RBFOX1: variants seen among roughly 807,000 people sequenced by gnomAD.
RBFOX1 encodes RNA binding fox-1 homolog 1.
In RBFOX1, 8 loss-of-function variants were observed where a neutral mutation model predicts 57.7. The observed-to-expected ratio is 0.14, with a 90% confidence interval of 0.08 to 0.25. RBFOX1 has a LOEUF of 0.25. RBFOX1 is among the 10% of genes least tolerant of loss of function. The pLI is 1.00. For synonymous variants in RBFOX1, 326 were observed against 222.4 expected (o/e 1.47, Z -4.15); for missense variants, 611 against 548.5 (o/e 1.11, Z -1.14).
At chr16:7,519,790 G>A (rs956901620) in intron 5 of RBFOX1, 2 of 868,588 alleles carry the variant, frequency 2.3e-6, no homozygotes, top group Admixed American at 6.2e-5. Flanking sequence ...TGGCTTTGAA[G>A]CATGATACAT....
At chr16:6,049,755 C>T (rs1209452934) in intron 1 of RBFOX1, among the ~76,000 whole-genome samples, 1 of 152,074 alleles carries the variant, frequency 6.6e-6, no homozygotes, top group African/African-American at 2.4e-5. Context: ...GAGCAGAAGG[C>T]ACTGAGAATT....
intron 5 of RBFOX1, among the ~76,000 whole-genome samples, chr16:7,544,531 G>A (rs896503820): frequency 2.0e-5 from 3 of 152,090 alleles, no homozygotes; most frequent in African/African-American, 7.2e-5. Flanking sequence ...GAAGTCCAAG[G>A]GGCATCAAAG....
chr16:5,860,072 G>C (rs1218896782), intron 3 of RBFOX1, among the ~76,000 whole-genome samples: 1 of 152,124 alleles, frequency 6.6e-6, no homozygotes, highest in African/African-American at 2.4e-5. Flanking sequence ...GTAGACAGTA[G>C]TGGACACTGT....
At chr16:7,397,295 G>T (rs2098157235) in intron 4 of RBFOX1, among the ~76,000 whole-genome samples, 2 of 152,122 alleles carry the variant, frequency 1.3e-5, no homozygotes, top group Admixed American at 1.3e-4. Context: ...AAATGTAATT[G>T]AAATCACAAG....
At chr16:6,846,743 C>A (rs964857495) in intron 3 of RBFOX1, among the ~76,000 whole-genome samples, 1 of 152,124 alleles carries the variant, frequency 6.6e-6, no homozygotes, top group African/African-American at 2.4e-5. Flanking sequence ...GATCTGCTAA[C>A]AAAATTAGGT....
chr16:6,916,868 A>C (rs1197928645), intron 3 of RBFOX1, among the ~76,000 whole-genome samples: 1 of 151,990 alleles, frequency 6.6e-6, no homozygotes, highest in Non-Finnish European at 1.5e-5. Flanking sequence ...TTGTGTGTAT[A>C]AGATGGAGTC....
chr16:6,759,210 G>C (rs1181539462), intron 3 of RBFOX1, among the ~76,000 whole-genome samples: 1 of 151,440 alleles, frequency 6.6e-6, no homozygotes, highest in African/African-American at 2.4e-5. Flanking sequence ...GAGTGCAGTG[G>C]CATAACCTTA....
At chr16:5,510,960 C>G (rs1034092783) in intron 2 of RBFOX1, among the ~76,000 whole-genome samples, 1 of 152,156 alleles carries the variant, frequency 6.6e-6, no homozygotes, top group Admixed American at 6.5e-5. Context: ...TCACCTGTGC[C>G]TTGTATAATC....
intron 1 of RBFOX1, among the ~76,000 whole-genome samples, chr16:5,429,687 C>CT (rs2067671061): frequency 6.6e-6 from 1 of 152,196 alleles, no homozygotes; most frequent in African/African-American, 2.4e-5. Flanking sequence ...CTCTGAGGGG[C>CT]CATTATCCCT....
intron 2 of RBFOX1, among the ~76,000 whole-genome samples, chr16:6,653,514 A>G (rs963170616): frequency 6.6e-6 from 1 of 152,180 alleles, no homozygotes; most frequent in African/African-American, 2.4e-5. Context: ...CCCTGAGGGT[A>G]GGAATTATGT....
chr16:6,048,527 A>G (rs2095518473), intron 1 of RBFOX1, among the ~76,000 whole-genome samples: 1 of 152,180 alleles, frequency 6.6e-6, no homozygotes, highest in African/African-American at 2.4e-5. Context: ...TGCATCGTGG[A>G]AAGGTTATTA....
intron 3 of RBFOX1, among the ~76,000 whole-genome samples, chr16:7,003,836 A>G (rs2093054306): frequency 6.6e-6 from 1 of 152,200 alleles, no homozygotes; most frequent in Non-Finnish European, 1.5e-5. Flanking sequence ...CTACTTATAA[A>G]TTGCAAAGAC....
intron 4 of RBFOX1, among the ~76,000 whole-genome samples, chr16:7,383,070 A>C (rs564154532): frequency 6.6e-6 from 1 of 152,296 alleles, no homozygotes; most frequent in East Asian, 1.9e-4. Flanking sequence ...AAAGAAAAAA[A>C]AATGCAATAT....
At chr16:5,730,133 G>A (rs1434996890) in intron 3 of RBFOX1, among the ~76,000 whole-genome samples, 1 of 152,142 alleles carries the variant, frequency 6.6e-6, no homozygotes, top group Non-Finnish European at 1.5e-5. Context: ...TAGGTTTTTG[G>A]TTTCTGGTCT....
chr16:6,790,283 C>T (rs955560083), intron 3 of RBFOX1, among the ~76,000 whole-genome samples: 1 of 151,610 alleles, frequency 6.6e-6, no homozygotes, highest in Non-Finnish European at 1.5e-5. Context: ...CTCCAGGGTT[C>T]CAGCCATTCT....
rs765249212 is a variant in RBFOX1 at position 7,579,769 on chromosome 16, T to A, written c.271-8T>A. On this transcript the variant is annotated splice_region_variant and splice_polypyrimidine_tract_variant and intron_variant, in intron 5 of 15. Transcript: ENST00000550418. ...GAGAACCTCTTCGGTTTCTTCTTGT[T>A]CTTTTAGCAGACAGATGACGCAGCA... 3.7e-6 allele frequency: 6 copies of A among 1,614,036 alleles called. No individual in the cohort carries two copies. Among genetic ancestry groups the A allele is most frequent in the Non-Finnish European group, 5.1e-6 (6 of 1,179,944 alleles).
intron 4 of RBFOX1, among the ~76,000 whole-genome samples, chr16:7,211,206 A>G (rs13336823): frequency 0.049 from 7,404 of 151,836 alleles, 574 homozygotes; most frequent in African/African-American, 0.17. Context: ...CCTGGCTAAC[A>G]CAGTTAAACC....
At chr16:6,934,610 G>A (rs772021753) in intron 3 of RBFOX1, among the ~76,000 whole-genome samples, 17 of 152,194 alleles carry the variant, frequency 1.1e-4, no homozygotes, top group Non-Finnish European at 2.4e-4. Flanking sequence ...AGATGGAACT[G>A]GAGGTCATTG....
intron 4 of RBFOX1, among the ~76,000 whole-genome samples, chr16:7,378,365 C>T (rs922291351): frequency 6.6e-6 from 1 of 152,064 alleles, no homozygotes; most frequent in South Asian, 2.1e-4. Context: ...TGTTTGCTAG[C>T]GAGACCTCAC....
Sources: allele counts gnomAD v4.1 joint callset (sites outside exome capture counted in the v4.1 genomes callset), GRCh38; gene constraint gnomAD v4.1.1; transcripts MANE v1.5; gene names NCBI Gene and HGNC (gene_info 2026-07-23, HGNC 2026-07-21).